CRYBG3: variants seen among roughly 807,000 people sequenced by gnomAD.
CRYBG3 encodes very large A-kinase anchor protein.
In CRYBG3, 127 loss-of-function variants were observed where a neutral mutation model predicts 244.2. The observed-to-expected ratio is 0.52, with a 90% CI of 0.45 to 0.60. The LOEUF (loss-of-function observed/expected upper bound fraction) is 0.60. Ranked by LOEUF, CRYBG3 falls within the 20% of genes least tolerant of loss-of-function variation. The pLI, the probability that CRYBG3 is intolerant of heterozygous loss-of-function variation, is 0.00. For synonymous variants in CRYBG3, 1,132 were observed against 1,195.8 expected (o/e 0.95, Z 1.10); for missense variants, 3,325 against 3,442.5 (o/e 0.97, Z 0.85).
intron 2 of CRYBG3, among the ~76,000 whole-genome samples, chr3:97,863,489 C>T (rs2039180376): frequency 6.6e-6 from 1 of 152,108 alleles, no homozygotes; most frequent in Non-Finnish European, 1.5e-5. Context: ...TTTGAATTAA[C>T]ATTATGTATC....
chr3:97,874,312 A>T lies in CRYBG3; in HGVS notation c.3118A>T (p.Lys1040Ter). 6.5e-7 allele frequency: 1 copy of T among 1,527,668 alleles called. No homozygotes were observed. The highest frequency in any genetic ancestry group is 8.7e-7 in the Non-Finnish European group (1 of 1,144,854). 94.6% of individuals were successfully genotyped at this position (1,527,668 alleles called of 1,614,324 possible). A position where few individuals can be genotyped will look rare whatever the true frequency, so the allele number is the denominator to read the frequency against. The change falls in exon 4 of 22, where the codon AAA becomes TAA. Residue 1040 changes from lysine to a stop codon, truncating the protein, a stop_gained. Coordinates refer to ENST00000389622, the MANE Select transcript of CRYBG3 (RefSeq NM_153605.4). LOFTEE classifies it high-confidence loss of function. ...ACCTTCTGTGCTGAAATTGGAAAAG[A>T]AATCCTCATCTTACAGAAAGAAAGA... Reference protein sequence around the residue: ...KVPSVLKLEKKSSSYRKKENI... With the variant: ...KVPSVLKLEK
At chr3:97,898,677 C>T (rs2039667108) in intron 12 of CRYBG3, among the ~76,000 whole-genome samples, 1 of 152,134 alleles carries the variant, frequency 6.6e-6, no homozygotes, top group South Asian at 2.1e-4. Context: ...GTAATATCTT[C>T]CCAATTAAAG....
In CRYBG3 at chr3:97,875,435, CTGA is replaced by C. The variant is rs745615951; in HGVS notation, c.4243_4245del (p.Asp1415del). On this transcript the variant is annotated inframe_deletion, in exon 4 of 22. Transcript: ENST00000389622. ...TTTTCTGGAAATGGATCTGGACTGT[CTGA>C]TAGTATAAATTTGCAGGAATCAGAT... The C allele has an allele frequency of 2.2e-5, 29 of 1,348,108 alleles. No homozygotes were observed. Among genetic ancestry groups the C allele is most frequent in the Non-Finnish European group, 2.6e-5 (28 of 1,057,654 alleles). The allele number at this position is 1,348,108 out of a possible 1,614,324, so 83.5% of individuals were successfully genotyped here. A position where few individuals can be genotyped will look rare whatever the true frequency, so the allele number is the denominator to read the frequency against.
At chr3:97,830,264 C>T (rs531019778) in intron 1 of CRYBG3, among the ~76,000 whole-genome samples, 16 of 152,146 alleles carry the variant, frequency 1.1e-4, no homozygotes, top group Non-Finnish European at 2.1e-4. Flanking sequence ...TGCACAAATA[C>T]ATTTATAAAA....
At chr3:97,843,104 AG>A (rs1185461017) in intron 1 of CRYBG3, 90 bp from the exon 2 acceptor site, 1 of 707,318 alleles carries the variant, frequency 1.4e-6, no homozygotes, top group Non-Finnish European at 2.3e-6. Flanking sequence ...TTGCAGATAA[AG>A]GACCTTTCAG....
In CRYBG3 at chr3:97,898,998, CA is replaced by C; in HGVS notation, c.7819del (p.Arg2607AspfsTer25). 6.2e-7 allele frequency: 1 copy of C among 1,612,454 alleles called. No individual in the cohort carries two copies. Among genetic ancestry groups the C allele is most frequent in the Non-Finnish European group, 8.5e-7 (1 of 1,179,430 alleles). On this transcript the variant is annotated frameshift_variant, in exon 13 of 22. Transcript: ENST00000389622. LOFTEE classifies it high-confidence loss of function. ...DLEEIGFGSK[T>X]RSIHVKSGVW... The stretch of plus-strand genomic sequence containing the variant: ...GAAGAAATTGGCTTTGGCAGTAAAA[CA>C]AGATCCATTCATGTTAAAAGTGGAG...
intron 1 of CRYBG3, among the ~76,000 whole-genome samples, chr3:97,824,792 TA>T (rs1291124647): frequency 2.0e-5 from 3 of 152,112 alleles, no homozygotes; most frequent in African/African-American, 7.2e-5. Flanking sequence ...TTTTAGATGA[TA>T]AAAAGGAAAA....
At position 97,823,430 on chromosome 3, in the gene CRYBG3, TTG is replaced by T. The variant is rs761227130; in HGVS notation, c.149+1081_149+1082del. On this transcript the variant is annotated intron_variant, in intron 1 of 21. Coordinates refer to ENST00000389622, the MANE Select transcript of CRYBG3 (RefSeq NM_153605.4). Reference sequence around the variant, plus strand: ...GATTTTGTGATGTGATTTTAGTCGTTTGTGTGTTCCTCGGTTTCCCCGCTTGT... The same window carrying T: ...GATTTTGTGATGTGATTTTAGTCGTTTGTGTTCCTCGGTTTCCCCGCTTGT... Among the ~76,000 whole-genome samples the T allele has an allele frequency of 6.6e-5, 10 of 152,302 alleles. No homozygotes were observed. In the South Asian group the frequency reaches 1.9e-3, roughly 28 times the overall value.
chr3:97,830,234 T>C (rs1463508409), intron 1 of CRYBG3, among the ~76,000 whole-genome samples: 2 of 152,220 alleles, frequency 1.3e-5, no homozygotes, highest in African/African-American at 2.4e-5. Flanking sequence ...TTCATTTGCT[T>C]ATTGCTGCTA....
chr3:97,881,009 ACT>A, intron 6 of CRYBG3, 61 bp from the exon 7 acceptor site: 10 of 1,322,186 alleles, frequency 7.6e-6, no homozygotes, highest in Non-Finnish European at 7.0e-6. Context: ...ATGGTCTGTG[ACT>A]TATATGCCTT....
At chr3:97,928,410 A>G (rs528443599) in intron 17 of CRYBG3, among the ~76,000 whole-genome samples, 46 of 152,034 alleles carry the variant, frequency 3.0e-4, no homozygotes, top group South Asian at 1.4e-3. Context: ...GCTTGAGCAG[A>G]GAGGGTGGGA....
rs150716726 is a variant in CRYBG3 at position 97,911,499 on chromosome 3, G to A, written c.8005-668G>A. Among the ~76,000 whole-genome samples the A allele has an allele frequency of 2.4e-3, 358 of 152,312 alleles. 3 individuals carry two copies. Among genetic ancestry groups the A allele is most frequent in the African/African-American group, 6.7e-3 (278 of 41,566 alleles). ...GACATGTAGTTGTATATAACTGTAA[G>A]CTGCACATTTAAGGTATTCTTATCA... is the stretch of plus-strand genomic sequence containing the variant. On this transcript the variant is annotated intron_variant, in intron 15 of 21. Transcript: ENST00000389622.
chr3:97,897,948 C>T (rs148098110), intron 12 of CRYBG3, among the ~76,000 whole-genome samples: 1,576 of 152,140 alleles, frequency 0.01, 83 homozygotes, highest in Admixed American at 0.089. Context: ...GGGCTGGGCA[C>T]GGTGGTTCAT....
chr3:97,921,399 C>A (rs2039983529), intron 17 of CRYBG3, among the ~76,000 whole-genome samples: 2 of 152,128 alleles, frequency 1.3e-5, no homozygotes, highest in African/African-American at 4.8e-5. Flanking sequence ...CTCTACTTAG[C>A]ACAATGCTAT....
rs770316569 is a variant in CRYBG3 at position 97,877,901 on chromosome 3, C to T, written c.6707C>T (p.Ala2236Val). 3 of 1,613,996 alleles carry T rather than the reference C, an allele frequency of 1.9e-6. No homozygotes were observed. The African/African-American group carries it at 4.0e-5, about 22-fold the overall frequency. The change falls in exon 4 of 22, where the codon GCT (alanine) becomes GTT (valine). Residue 2236 changes from alanine (A) to valine (V), a missense_variant. This residue lies in a region of CRYBG3 where 450 missense variants were observed against 424.1 expected (regional missense o/e 1.06). Coordinates refer to ENST00000389622, the MANE Select transcript of CRYBG3 (RefSeq NM_153605.4). ...AAACTACATTCTTCTTTAAAGAGTGCTTATCATCAGTATCTGCAGACTTCC... is the reference window on the plus strand; with the variant it reads ...AAACTACATTCTTCTTTAAAGAGTGTTTATCATCAGTATCTGCAGACTTCC... ...TSKLHSSLKS[A>V]YHQYLQTSQS...
Position 97,845,768 on chromosome 3 carries a change from C to A in CRYBG3, c.216+2507C>A, listed in dbSNP as rs147123639. Among the ~76,000 whole-genome samples, 6 of 152,340 alleles carry A rather than the reference C, an allele frequency of 3.9e-5. No individual in the cohort carries two copies. The East Asian group carries it at 9.6e-4, about 24-fold the overall frequency. The stretch of plus-strand genomic sequence containing the variant: ...TTGACTACTACTATCCCTCCATCTT[C>A]ACTGGCTTCTGATTTGCATCAGGTC... On this transcript the variant is annotated intron_variant, in intron 2 of 21. Transcript: ENST00000389622.
At chr3:97,850,514 A>G (rs1439397331) in intron 2 of CRYBG3, among the ~76,000 whole-genome samples, 1 of 152,204 alleles carries the variant, frequency 6.6e-6, no homozygotes, top group Non-Finnish European at 1.5e-5. Flanking sequence ...TATTAATTAC[A>G]TCCTAGAACT....
chr3:97,898,546 T>A (rs1369465282), intron 12 of CRYBG3, among the ~76,000 whole-genome samples: 2 of 152,220 alleles, frequency 1.3e-5, no homozygotes, highest in African/African-American at 4.8e-5. Flanking sequence ...TTACTTTTGT[T>A]TCATATAGTT....
At chr3:97,904,941 A>G (rs2039751835) in intron 15 of CRYBG3, among the ~76,000 whole-genome samples, 1 of 131,634 alleles carries the variant, frequency 7.6e-6, no homozygotes, top group Admixed American at 9.6e-5. Flanking sequence ...TCCTGTGTCC[A>G]TGTGATCTCA....
Sources: allele counts gnomAD v4.1 joint callset (sites outside exome capture counted in the v4.1 genomes callset), GRCh38; gene constraint gnomAD v4.1.1; regional missense constraint gnomAD v4.1.1; transcripts MANE v1.5; gene names NCBI Gene and HGNC (gene_info 2026-07-23, HGNC 2026-07-21).